BRD10: variants seen among roughly 807,000 people sequenced by gnomAD.
BRD10 encodes bromodomain containing 10.
the BRD10 span, chr9:5,988,374 T>C: frequency 6.2e-7 from 1 of 1,613,848 alleles, no homozygotes; most frequent in Non-Finnish European, 8.5e-7. Context: ...TCAGCTGTTC[T>C]TCCTGTCTCA....
chr9:5,999,730 T>C, the BRD10 span, among the ~76,000 whole-genome samples: 1 of 152,192 alleles, frequency 6.6e-6, no homozygotes, highest in African/African-American at 2.4e-5. Context: ...TTTGCACTTT[T>C]AGATATGGTG....
At chr9:5,971,710 G>A in the BRD10 span, among the ~76,000 whole-genome samples, 2 of 152,050 alleles carry the variant, frequency 1.3e-5, no homozygotes, top group African/African-American at 4.8e-5. Context: ...TTTCAAATGT[G>A]CTTAGAGTTT....
chr9:5,928,693 C>A, the BRD10 span, among the ~76,000 whole-genome samples: 1 of 152,228 alleles, frequency 6.6e-6, no homozygotes, highest in Non-Finnish European at 1.5e-5. Flanking sequence ...AACACCAACT[C>A]ATCAGGGAAG....
At chr9:5,983,186 A>G in the BRD10 span, among the ~76,000 whole-genome samples, 2 of 152,164 alleles carry the variant, frequency 1.3e-5, no homozygotes, top group East Asian at 3.8e-4. Flanking sequence ...CTGAAGCAGA[A>G]AGTCTTCAGC....
At chr9:5,962,010 C>G in the BRD10 span, among the ~76,000 whole-genome samples, 25 of 152,012 alleles carry the variant, frequency 1.6e-4, no homozygotes, top group Non-Finnish European at 3.1e-4. Flanking sequence ...TTATTTCTTG[C>G]CTTCTGCTAG....
the BRD10 span, among the ~76,000 whole-genome samples, chr9:5,969,860 A>C: frequency 5.3e-5 from 8 of 151,904 alleles, no homozygotes; most frequent in Non-Finnish European, 1.5e-5. Context: ...CTAGTTTTAA[A>C]TATCAGTACA....
chr9:5,934,271 G>C, the BRD10 span, among the ~76,000 whole-genome samples: 1 of 151,506 alleles, frequency 6.6e-6, no homozygotes, highest in South Asian at 2.1e-4. Flanking sequence ...ATGAAGCACA[G>C]AACATTTTTT....
the BRD10 span, chr9:5,919,962 T>A: frequency 2.5e-6 from 4 of 1,613,748 alleles, no homozygotes; most frequent in Non-Finnish European, 1.7e-6. Context: ...GCCAAAAGAG[T>A]AGCTGGAGAC....
At chr9:5,999,576 CA>C in the BRD10 span, among the ~76,000 whole-genome samples, 1 of 152,118 alleles carries the variant, frequency 6.6e-6, no homozygotes, top group Non-Finnish European at 1.5e-5. Flanking sequence ...CGAATATTAG[CA>C]CAGCATATTA....
At chr9:5,904,430 TTA>T in the BRD10 span, among the ~76,000 whole-genome samples, 1 of 152,206 alleles carries the variant, frequency 6.6e-6, no homozygotes, top group Non-Finnish European at 1.5e-5. Context: ...ACTGGACATT[TTA>T]TATGATTCCA....
the BRD10 span, chr9:5,899,366 G>A: frequency 6.6e-6 from 1 of 152,124 alleles, no homozygotes; most frequent in Non-Finnish European, 1.5e-5. Flanking sequence ...CAAGAAACTT[G>A]GGCAGTCTCA....
At chr9:5,982,780 T>A in the BRD10 span, among the ~76,000 whole-genome samples, 1 of 152,128 alleles carries the variant, frequency 6.6e-6, no homozygotes, top group African/African-American at 2.4e-5. Flanking sequence ...GTTTTTAGAC[T>A]ATGAGAACAG....
chr9:5,984,003 AC>A, the BRD10 span, among the ~76,000 whole-genome samples: 2 of 148,516 alleles, frequency 1.3e-5, no homozygotes, highest in South Asian at 2.1e-4. Context: ...ACACACACAC[AC>A]ACCCCTCTCC....
chr9:5,964,968 C>T, the BRD10 span, among the ~76,000 whole-genome samples: 3 of 143,760 alleles, frequency 2.1e-5, no homozygotes, highest in Admixed American at 1.4e-4. Flanking sequence ...ATGACAAGTT[C>T]GTGGGTGCAG....
At chr9:5,917,967 CAA>C in the BRD10 span, among the ~76,000 whole-genome samples, 1 of 152,194 alleles carries the variant, frequency 6.6e-6, no homozygotes, top group African/African-American at 2.4e-5. Context: ...TCTTCTGAGA[CAA>C]AAGGCAAACA....
the BRD10 span, among the ~76,000 whole-genome samples, chr9:5,997,233 G>C: frequency 6.6e-6 from 1 of 152,202 alleles, no homozygotes; most frequent in Non-Finnish European, 1.5e-5. Flanking sequence ...AGTGTCTACA[G>C]AAAATAAGTA....
chr9:5,891,659 C>T, the BRD10 span, among the ~76,000 whole-genome samples: 13 of 152,090 alleles, frequency 8.5e-5, no homozygotes, highest in Non-Finnish European at 1.2e-4. Flanking sequence ...ACTTGAATTA[C>T]GGCCACTGCA....
the BRD10 span, among the ~76,000 whole-genome samples, chr9:5,925,222 G>A: frequency 6.6e-6 from 1 of 151,924 alleles, no homozygotes; most frequent in Non-Finnish European, 1.5e-5. Context: ...AGCCAGGCGT[G>A]GTGGTGGGCA....
the BRD10 span, among the ~76,000 whole-genome samples, chr9:6,006,346 T>A: frequency 6.6e-6 from 1 of 151,874 alleles, no homozygotes; most frequent in African/African-American, 2.4e-5. Flanking sequence ...TAGTAAACAG[T>A]CAAACTACTA....
Sources: gnomAD v4.1 joint callset for allele counts (sites outside exome capture counted in the v4.1 genomes callset) on GRCh38, gnomAD v4.1.1 for gene constraint, MANE v1.5 for transcripts, NCBI Gene and HGNC (gene_info 2026-07-23, HGNC 2026-07-21) for gene names.